The following TOMM20L variants were observed in gnomAD, a reference collection of about 807,000 sequenced individuals.
The protein encoded by TOMM20L is TOMM20-like protein 1.
In TOMM20L, 19 loss-of-function variants were observed where a neutral mutation model predicts 20.4. The observed-to-expected ratio is 0.93, with a 90% CI of 0.65 to 1.36. The LOEUF (loss-of-function observed/expected upper bound fraction) is 1.36, where lower values mean the gene tolerates loss of function less well. TOMM20L is among the 40% of genes most tolerant of loss of function. The pLI is 0.00. For synonymous variants in TOMM20L, 75 were observed against 79.6 expected, an observed-to-expected ratio of 0.94 and a Z score of 0.30; for missense variants, 218 against 203.7, an observed-to-expected ratio of 1.07 and a Z score of -0.43.
chr14:58,397,312 C>A (rs1007640993), intron 2 of TOMM20L, among the ~76,000 whole-genome samples: 1 of 152,086 alleles, frequency 6.6e-6, no homozygotes, highest in African/African-American at 2.4e-5. Context: ...AGAGAGAGCA[C>A]GCACATGCAT....
chr14:58,396,172 A>C, intron 1 of TOMM20L, 79 bp downstream of exon 1: 1 of 1,345,150 alleles, frequency 7.4e-7, no homozygotes, highest in Non-Finnish European at 9.6e-7. Context: ...CCCCACTGAG[A>C]GGCCGGGCCG....
chr14:58,396,323 T>C lies in TOMM20L; in HGVS notation c.162T>C (p.Ala54=), dbSNP rs371989943. The C allele has an allele frequency of 8.7e-6, 14 of 1,613,286 alleles. No individual in the cohort carries two copies. The African/African-American group carries it at 1.6e-4, about 18-fold the overall frequency. The change falls in exon 2 of 5, where the codon GCT becomes GCC. Residue 54 remains alanine, a synonymous_variant. Transcript: ENST00000360945. ...AAAGAAGAGCAGAGCCTCAAAAGGC[T>C]GAGGAGCAGGGCACGCAGGTGCAGT... ...RDKRRAEPQK[A]EEQGTQLWDP...
chr14:58,413,385 C>A (rs1174878328), downstream of TOMM20L, among the ~76,000 whole-genome samples: 1 of 152,168 alleles, frequency 6.6e-6, no homozygotes, highest in Non-Finnish European at 1.5e-5. Context: ...TTAACAAACA[C>A]CATTTGCTTA....
rs1367318252 is a variant in TOMM20L at position 58,402,706 on chromosome 14, G to C, written c.207G>C (p.Lys69Asn). 1.2e-6 allele frequency: 2 copies of C among 1,613,704 alleles called. No individual in the cohort carries two copies. The highest frequency in any genetic ancestry group is 1.7e-6 in the Non-Finnish European group (2 of 1,179,736). The change falls in exon 3 of 5, where the codon AAG becomes AAC. Residue 69 changes from lysine to asparagine, a missense_variant. Lys to Asn is a moderately conservative substitution (Grantham distance 94). Transcript: ENST00000360945. ...TGTGGGATCCAACGAAGAATAAAAAGTTGCAAGAACTTTTCTTGCAAGAGG... is the reference window on the plus strand; with the variant it reads ...TGTGGGATCCAACGAAGAATAAAAACTTGCAAGAACTTTTCTTGCAAGAGG... ...TQLWDPTKNK[K>N]LQELFLQEVR...
chr14:58,396,161 C>A, intron 1 of TOMM20L, 68 bp downstream of exon 1: 2 of 1,315,832 alleles, frequency 1.5e-6, no homozygotes, highest in South Asian at 2.3e-5. Context: ...CCGGGAGGGC[C>A]CCCCACTGAG....
chr14:58,405,929 C>T (rs754402656), intron 3 of TOMM20L, among the ~76,000 whole-genome samples: 3 of 152,172 alleles, frequency 2.0e-5, no homozygotes, highest in African/African-American at 7.2e-5. Flanking sequence ...ATCTATGGGG[C>T]TGGAACCCAG....
intron 3 of TOMM20L, among the ~76,000 whole-genome samples, chr14:58,406,389 G>A (rs983633438): frequency 6.6e-6 from 1 of 152,054 alleles, no homozygotes; most frequent in Admixed American, 6.6e-5. Context: ...TTTCTGTCAC[G>A]CACTATTCTC....
At chr14:58,412,382 C>T (rs373687781), downstream of TOMM20L, among the ~76,000 whole-genome samples, 23 of 152,296 alleles carry the variant, frequency 1.5e-4, no homozygotes, top group African/African-American at 5.1e-4. Flanking sequence ...CCTCATGATC[C>T]GCCTGCCTCG....
intron 2 of TOMM20L, among the ~76,000 whole-genome samples, chr14:58,398,107 T>C (rs1467005322): frequency 6.6e-6 from 1 of 152,190 alleles, no homozygotes; most frequent in South Asian, 2.1e-4. Flanking sequence ...GAGCTGGACA[T>C]GGGAGTGGAG....
At chr14:58,402,605 A>G (rs2036005340) in intron 2 of TOMM20L, 75 bp from the exon 3 acceptor site, 1 of 1,218,104 alleles carries the variant, frequency 8.2e-7, no homozygotes, top group African/African-American at 1.5e-5. Flanking sequence ...TCCTTTTTAA[A>G]TAAAAAATAA....
chr14:58,405,351 T>C (rs2036044901), intron 3 of TOMM20L, among the ~76,000 whole-genome samples: 1 of 152,202 alleles, frequency 6.6e-6, no homozygotes, highest in Non-Finnish European at 1.5e-5. Context: ...AGTTCTGAAT[T>C]ATAAGTCAGA....
chr14:58,413,071 T>C (rs190719594), downstream of TOMM20L, among the ~76,000 whole-genome samples: 19 of 152,306 alleles, frequency 1.2e-4, no homozygotes, highest in African/African-American at 4.3e-4. Context: ...TTTTAACATT[T>C]CAACATACAA....
At chr14:58,405,779 C>G (rs931063170) in intron 3 of TOMM20L, among the ~76,000 whole-genome samples, 1 of 152,218 alleles carries the variant, frequency 6.6e-6, no homozygotes, top group African/African-American at 2.4e-5. Flanking sequence ...GTTGGGATTA[C>G]AGGCGTGAGC....
At chr14:58,398,681 T>G (rs562084334) in intron 2 of TOMM20L, 2 of 151,302 alleles carry the variant, frequency 1.3e-5, no homozygotes, top group African/African-American at 4.8e-5. Context: ...TATAAATTAA[T>G]CATATTTTAA....
chr14:58,412,642 T>A (rs2036258533), downstream of TOMM20L, among the ~76,000 whole-genome samples: 1 of 152,218 alleles, frequency 6.6e-6, no homozygotes, highest in South Asian at 2.1e-4. Flanking sequence ...GGCTCATGCC[T>A]GTAATCCCAG....
At chr14:58,411,065 T>C, downstream of TOMM20L, 1 of 661,180 alleles carries the variant, frequency 1.5e-6, no homozygotes, top group Non-Finnish European at 2.6e-6. Context: ...GTTATTATGC[T>C]AACTTAAATG....
intron 2 of TOMM20L, among the ~76,000 whole-genome samples, chr14:58,397,575 A>G (rs2035944217): frequency 6.6e-6 from 1 of 152,196 alleles, no homozygotes; most frequent in South Asian, 2.1e-4. Flanking sequence ...GCTTGGTTTC[A>G]GGGGAGAGGA....
At chr14:58,405,079 C>T (rs547209863) in intron 3 of TOMM20L, among the ~76,000 whole-genome samples, 5 of 152,088 alleles carry the variant, frequency 3.3e-5, no homozygotes, top group South Asian at 2.1e-4. Context: ...AGCGATTCTC[C>T]GGCCTCAGCC....
chr14:58,396,649 A>G (rs1594993876), intron 2 of TOMM20L, among the ~76,000 whole-genome samples: 1 of 152,252 alleles, frequency 6.6e-6, no homozygotes, highest in Non-Finnish European at 1.5e-5. Context: ...AGAGCCGCAC[A>G]GGACACTTAA....
Sources: gnomAD v4.1 joint callset for allele counts (sites outside exome capture counted in the v4.1 genomes callset) on GRCh38, gnomAD v4.1.1 for gene constraint, MANE v1.5 for transcripts, NCBI Gene and HGNC (gene_info 2026-07-23, HGNC 2026-07-21) for gene names.